Variants in ZNF615 observed in about 807,000 individuals in gnomAD.
The protein encoded by ZNF615 is zinc finger protein 615.
A neutral mutation model predicts 15.3 loss-of-function variants in ZNF615; 15 were observed. The observed-to-expected ratio is 0.98, with a 90% confidence interval of 0.66 to 1.51. The LOEUF (loss-of-function observed/expected upper bound fraction) is 1.51, where lower values mean the gene tolerates loss of function less well. Ranked by LOEUF, ZNF615 falls within the 40% of genes most tolerant of loss-of-function variation. The pLI, the probability that ZNF615 is intolerant of heterozygous loss-of-function variation, is 0.00. For missense variants in ZNF615, 848 were observed against 895.9 expected, an observed-to-expected ratio of 0.95 and a Z score of 0.68; for synonymous variants, 268 against 294.6, an observed-to-expected ratio of 0.91 and a Z score of 0.92.
At chr19:51,996,407 A>AC (rs1555771264) in intron 6 of ZNF615, among the ~76,000 whole-genome samples, 1 of 138,288 alleles carries the variant, frequency 7.2e-6, no homozygotes, top group Non-Finnish European at 1.5e-5. Context: ...AAAAAAAAAA[A>AC]ACGCAAAACT....
rs1427428128 is a variant in ZNF615 at position 51,993,333 on chromosome 19, G to T, written c.1776C>A (p.Ser592Arg). ...GAGTTCGCTGATGTGCAATGAGCAT[G>T]CTTTTCCCAGTTAAGCCTTTGCCAC... The part of the protein sequence containing the change: ...SECGKGLTGK[S>R]MLIAHQRTHT... Residue 592 changes from serine (S) to arginine (R), a missense_variant, in exon 7 of 7, where the codon AGC becomes AGA. Coordinates refer to ENST00000598071, the MANE Select transcript of ZNF615 (RefSeq NM_001199324.2). The T allele has an allele frequency of 1.2e-6, 2 of 1,613,546 alleles. No individual in the cohort carries two copies. Among genetic ancestry groups the T allele is most frequent in the Non-Finnish European group, 1.7e-6 (2 of 1,179,892 alleles).
At chr19:52,004,609 T>G (rs918926904) in intron 2 of ZNF615, 1 of 152,088 alleles carries the variant, frequency 6.6e-6, no homozygotes, top group African/African-American at 2.4e-5. Context: ...GCCAGGCTGG[T>G]CTTGAACTCC....
chr19:52,002,005 A>T (rs774317760), intron 4 of ZNF615, 97 bp from the exon 5 acceptor site: 177 of 1,600,112 alleles, frequency 1.1e-4, no homozygotes, highest in Non-Finnish European at 1.5e-4. Context: ...TAGGTATCAG[A>T]TCTGTAACAA....
intron 1 of ZNF615, 49 bp downstream of exon 1, chr19:52,008,092 A>G (rs951215618): frequency 3.3e-6 from 5 of 1,520,540 alleles, no homozygotes; most frequent in Non-Finnish European, 4.4e-6. Flanking sequence ...AGCCACGGAC[A>G]GAATTTCCTC....
chr19:52,008,013 T>A, intron 1 of ZNF615, 128 bp downstream of exon 1: 2 of 834,882 alleles, frequency 2.4e-6, no homozygotes, highest in Non-Finnish European at 3.7e-6. Flanking sequence ...CCTGAAAGAA[T>A]TCCACTGGCG....
intron 1 of ZNF615, 80 bp downstream of exon 1, chr19:52,008,061 C>T (rs1375537302): frequency 7.3e-7 from 1 of 1,363,362 alleles, no homozygotes. Context: ...CAGTCCATCA[C>T]CACTGTCCAC....
rs2086343073 is a variant in ZNF615, at chr19:51,994,135, T to G, written c.974A>C (p.Lys325Thr). The change falls in exon 7 of 7, where the codon AAA (lysine) becomes ACA (threonine). Residue 325 changes from lysine (K) to threonine (T), a missense_variant. Lys to Thr is a moderately conservative substitution (Grantham distance 78, BLOSUM62 -1). Transcript: ENST00000598071. ...IYHQRTHTGE[K>T]PHGCSVCGKA... is the part of the protein sequence containing the mutation. ...CCCACATACACTGCATCCATGGGGT[T>G]TCTCTCCTGTATGAGTTCGTTGATG... 1.2e-6 allele frequency: 2 copies of G among 1,614,066 alleles called. No individual in the cohort carries two copies. Among genetic ancestry groups the G allele is most frequent in the Non-Finnish European group, 1.7e-6 (2 of 1,180,024 alleles).
intron 3 of ZNF615, among the ~76,000 whole-genome samples, chr19:52,003,326 C>T (rs983762348): frequency 5.3e-5 from 8 of 152,138 alleles, no homozygotes; most frequent in South Asian, 2.1e-4. Context: ...ATAACACCTC[C>T]GTGAAGAACT....
intron 5 of ZNF615, among the ~76,000 whole-genome samples, chr19:52,001,472 G>A (rs1251309057): frequency 6.6e-6 from 1 of 151,960 alleles, no homozygotes; most frequent in African/African-American, 2.4e-5. Context: ...ACAAAAATTA[G>A]CTGGGCGTGG....
At chr19:51,994,932 CTT>C in intron 6 of ZNF615, 95 bp from the exon 7 acceptor site, 1 of 1,172,084 alleles carries the variant, frequency 8.5e-7, no homozygotes, top group African/African-American at 1.6e-5. Flanking sequence ...TGAGGTGACT[CTT>C]TAGTGAAAAC....
At chr19:52,007,904 C>T (rs2086800413) in intron 1 of ZNF615, 1 of 509,140 alleles carries the variant, frequency 2.0e-6, no homozygotes, top group Admixed American at 3.6e-5. Flanking sequence ...CACGAGGACC[C>T]TGTGACTGGT....
chr19:52,002,973 C>T (rs543887925), intron 3 of ZNF615, among the ~76,000 whole-genome samples: 7 of 151,960 alleles, frequency 4.6e-5, no homozygotes, highest in African/African-American at 1.7e-4. Context: ...ATTACAGGCG[C>T]ACGCCACCAC....
At chr19:51,996,826 A>G (rs2086455584) in intron 6 of ZNF615, among the ~76,000 whole-genome samples, 1 of 152,210 alleles carries the variant, frequency 6.6e-6, no homozygotes, top group East Asian at 1.9e-4. Context: ...GGTGTACAAA[A>G]CAAACATCTA....
At chr19:52,000,824 G>A (rs2086569484) in intron 5 of ZNF615, among the ~76,000 whole-genome samples, 1 of 151,972 alleles carries the variant, frequency 6.6e-6, no homozygotes. Context: ...ATGGTGATGT[G>A]TGCCTGTAGT....
chr19:52,002,445 G>T, intron 3 of ZNF615, 164 bp from the exon 4 acceptor site: 2 of 987,872 alleles, frequency 2.0e-6, no homozygotes, highest in Non-Finnish European at 3.1e-6. Flanking sequence ...TTCTGTAACT[G>T]TGCGGTCATC....
In ZNF615 at chr19:51,994,022, C is replaced by T. The variant is rs774308011; in HGVS notation, c.1087G>A (p.Gly363Ser). The change falls in exon 7 of 7, where the codon GGC becomes AGC. Residue 363 changes from glycine to serine, a missense_variant. Gly to Ser is a moderately conservative substitution (Grantham distance 56). Coordinates refer to ENST00000598071, the MANE Select transcript of ZNF615 (RefSeq NM_001199324.2). ...GTAAGACGCCTCTTCTCAATGAAGC[C>T]TTTTCCACATTCACTACATATATAA... is the stretch of plus-strand genomic sequence containing the variant. ...KPYICSECGK[G>S]FIEKRRLTAH... 24 of 1,612,360 alleles carry T rather than the reference C, an allele frequency of 1.5e-5. 1 individual carries two copies. In the Admixed American group the frequency reaches 4.0e-4, roughly 27 times the overall value.
In ZNF615 at chr19:52,000,366, G is replaced by A. The variant is rs1488052453; in HGVS notation, c.251C>T (p.Ala84Val). ...YSRICSDSGG[A>V]SGGAYAEIRK... ...CAAACCTGCATATGCACCTCCTGAT[G>A]CACCTCCTGAATCTAAAATAAAAAC... Residue 84 changes from alanine (A) to valine (V), a missense_variant, in exon 6 of 7, where the codon GCA becomes GTA. Transcript: ENST00000598071. 1.6e-6 allele frequency: 1 copy of A among 627,884 alleles called. No individual in the cohort carries two copies. Among genetic ancestry groups the A allele is most frequent in the Admixed American group, 2.2e-5 (1 of 46,152 alleles). The allele number at this position is 627,884 out of a possible 1,614,324, so 38.9% of individuals were successfully genotyped here. A position where few individuals can be genotyped will look rare whatever the true frequency, so the allele number is the denominator to read the frequency against.
chr19:51,995,931 G>A (rs2086411738), intron 6 of ZNF615, among the ~76,000 whole-genome samples: 1 of 151,204 alleles, frequency 6.6e-6, no homozygotes, highest in African/African-American at 2.4e-5. Context: ...AAAAAATAAA[G>A]AAGGTAATTG....
At chr19:52,002,420 A>G (rs747716515) in intron 3 of ZNF615, 139 bp from the exon 4 acceptor site, 7 of 1,230,176 alleles carry the variant, frequency 5.7e-6, no homozygotes, top group Non-Finnish European at 8.3e-6. Context: ...ACAGAATAAG[A>G]ATTCCAGTAA....
Sources: gnomAD v4.1 joint callset for allele counts (sites outside exome capture counted in the v4.1 genomes callset) on GRCh38, gnomAD v4.1.1 for gene constraint, MANE v1.5 for transcripts, NCBI Gene and HGNC (gene_info 2026-07-23, HGNC 2026-07-21) for gene names.